RGS4: variants seen among roughly 807,000 people sequenced by gnomAD.
RGS4 encodes the protein regulator of G protein signaling 4.
A neutral mutation model predicts 21.6 loss-of-function variants in RGS4; 15 were observed. The observed-to-expected ratio is 0.69, with a 90% CI of 0.46 to 1.07. RGS4 has a LOEUF of 1.07. Ranked by LOEUF, RGS4 falls within the 50% of genes least tolerant of loss-of-function variation. RGS4 has a pLI of 0.00. For synonymous variants in RGS4, 94 were observed against 85.5 expected (o/e 1.10, Z -0.55); for missense variants, 237 against 239.0 (o/e 0.99, Z 0.06).
In RGS4 at chr1:163,074,471, T is replaced by G; in HGVS notation, c.529T>G (p.Leu177Val). Residue 177 changes from leucine (L) to valine (V), a missense_variant, in exon 5 of 5, where the codon TTG becomes GTG. By Grantham distance (32) the Leu-to-Val change is conservative. Coordinates refer to ENST00000367909, the MANE Select transcript of RGS4 (RefSeq NM_005613.6). ...RFLKSRFYLD[L>V]VNPSSCGAEK... ...CCTCAAGTCTCGATTCTATCTTGAT[T>G]TGGTCAACCCGTCCAGCTGTGGGGC... is the stretch of plus-strand genomic sequence containing the variant. 1 of 1,613,882 alleles carries G rather than the reference T, an allele frequency of 6.2e-7. No homozygotes were observed. Among genetic ancestry groups the G allele is most frequent in the Non-Finnish European group, 8.5e-7 (1 of 1,179,844 alleles).
chr1:163,073,066 C>T (rs1655373094), intron 3 of RGS4, among the ~76,000 whole-genome samples, 200 bp downstream of exon 3: 2 of 152,028 alleles, frequency 1.3e-5, no homozygotes, highest in Non-Finnish European at 2.9e-5. Flanking sequence ...TATGCAGGAA[C>T]CATGTGGAAA....
At chr1:163,073,021 A>G (rs536370983) in intron 3 of RGS4, among the ~76,000 whole-genome samples, 155 bp downstream of exon 3, 2 of 152,312 alleles carry the variant, frequency 1.3e-5, no homozygotes, top group South Asian at 4.1e-4. Context: ...AAATTTTAAT[A>G]TGCCCTAGAG....
At chr1:163,074,247 T>A in intron 4 of RGS4, 74 bp from the exon 5 acceptor site, 1 of 1,582,610 alleles carries the variant, frequency 6.3e-7, no homozygotes, top group Non-Finnish European at 8.6e-7. Context: ...CACTTACAAG[T>A]CACTACAAAG....
At chr1:163,072,596 A>G in intron 2 of RGS4, 97 bp downstream of exon 2, 1 of 1,004,892 alleles carries the variant, frequency 1.0e-6, no homozygotes, top group Non-Finnish European at 1.5e-6. Context: ...GTTAAGCCAG[A>G]TTTGGATCAA....
Position 163,074,870 on chromosome 1 carries a change from C to A in RGS4, c.*310C>A. 1 of 598,136 alleles carries A rather than the reference C, an allele frequency of 1.7e-6. No individual in the cohort carries two copies. The highest frequency in any genetic ancestry group is 2.8e-5 in the East Asian group (1 of 36,276). The allele number at this position is 598,136 out of a possible 1,614,324, so 37.1% of individuals were successfully genotyped here. On this transcript the variant is annotated 3_prime_UTR_variant, in exon 5 of 5. Transcript: ENST00000367909. ...AAGATTGTTGGCAGTTTCCTCCTCCCAACAGTTTTACCTCGGGATGGTTGG... is the reference window on the plus strand; with the variant it reads ...AAGATTGTTGGCAGTTTCCTCCTCCAAACAGTTTTACCTCGGGATGGTTGG...
chr1:163,074,218 A>G (rs1338708946), intron 4 of RGS4, 103 bp from the exon 5 acceptor site: 1 of 1,477,996 alleles, frequency 6.8e-7, no homozygotes, highest in African/African-American at 1.4e-5. Flanking sequence ...TTGCTTCTGA[A>G]ATACAGAGGG....
chr1:163,074,621 CA>C lies in RGS4; in HGVS notation c.*64del. The stretch of plus-strand genomic sequence containing the variant: ...CTCTATGCTCTGGAAAACCTGAGGC[CA>C]AATATTGATCTGTATTAAGCTCCAG... On this transcript the variant is annotated 3_prime_UTR_variant, in exon 5 of 5. Transcript: ENST00000367909. 6.2e-7 allele frequency: 1 copy of C among 1,610,160 alleles called. No individual in the cohort carries two copies. Among genetic ancestry groups the C allele is most frequent in the South Asian group, 1.1e-5 (1 of 91,032 alleles).
intron 1 of RGS4, 165 bp from the exon 2 acceptor site, chr1:163,072,230 C>CAA (rs5778312): frequency 0.99 from 850,572 of 858,616 alleles, 421,732 homozygotes; most frequent in East Asian, 1. Flanking sequence ...CATAGGGAAC[C>CAA]AAGAGGAATC....
At chr1:163,073,985 A>T (rs1378330197) in intron 4 of RGS4, 1 of 383,028 alleles carries the variant, frequency 2.6e-6, no homozygotes, top group African/African-American at 2.0e-5. Flanking sequence ...GGAGCTGACT[A>T]TCATAATCTT....
rs1012002878 is a variant in RGS4 at position 163,074,941 on chromosome 1, C to T, written c.*381C>T. The T allele has an allele frequency of 3.7e-6, 2 of 534,746 alleles. No homozygotes were observed. Among genetic ancestry groups the T allele is most frequent in the Admixed American group, 3.3e-5 (1 of 30,028 alleles). The allele number at this position is 534,746 out of a possible 1,614,324, so 33.1% of individuals were successfully genotyped here. A position where few individuals can be genotyped will look rare whatever the true frequency, so the allele number is the denominator to read the frequency against. On this transcript the variant is annotated 3_prime_UTR_variant, in exon 5 of 5. Transcript: ENST00000367909. Reference sequence around the variant, plus strand: ...TCCACATGCACATGTATTCTGTTGGCCAGCACGTTCTCCAGACTCTAGATG... The same window carrying T: ...TCCACATGCACATGTATTCTGTTGGTCAGCACGTTCTCCAGACTCTAGATG...
At position 163,076,072 on chromosome 1, in the gene RGS4, G is replaced by A. The variant is rs865893973; in HGVS notation, c.*1512G>A. 20 of 152,464 alleles carry A rather than the reference G, an allele frequency of 1.3e-4. No homozygotes were observed. Among genetic ancestry groups the A allele is most frequent in the African/African-American group, 4.1e-4 (17 of 41,396 alleles). The allele number at this position is 152,464 out of a possible 1,614,324, so 9.4% of individuals were successfully genotyped here. On this transcript the variant is annotated 3_prime_UTR_variant, in exon 5 of 5. Transcript: ENST00000367909. ...TGTTATTTATGATGTTATTTTGTACGTGTTATTATTATTATATTGTTTTAT... is the reference window on the plus strand; with the variant it reads ...TGTTATTTATGATGTTATTTTGTACATGTTATTATTATTATATTGTTTTAT...
chr1:163,075,953 G>T lies in RGS4; in HGVS notation c.*1393G>T, dbSNP rs939231934. ...GCTCTGAGACTAAATGAGAGGAAAA[G>T]AAAAGAAAAAAAAAATGATTGTCTA... On this transcript the variant is annotated 3_prime_UTR_variant, in exon 5 of 5. Transcript: ENST00000367909. The T allele has an allele frequency of 6.6e-4, 20 of 30,174 alleles. No individual in the cohort carries two copies. The highest frequency in any genetic ancestry group is 9.3e-4 in the Non-Finnish European group (1 of 1,072). The allele number at this position is 30,174 out of a possible 1,614,324, so 1.9% of individuals were successfully genotyped here.
At chr1:163,073,734 T>C in intron 4 of RGS4, 112 bp downstream of exon 4, 2 of 634,644 alleles carry the variant, frequency 3.2e-6, no homozygotes, top group Non-Finnish European at 5.3e-6. Flanking sequence ...GCTATATACA[T>C]ATCTCAAACA....
At chr1:163,072,774 C>A in intron 2 of RGS4, 31 bp from the exon 3 acceptor site, 1 of 1,587,964 alleles carries the variant, frequency 6.3e-7, no homozygotes, top group Non-Finnish European at 8.6e-7. Context: ...CATGGCATTC[C>A]AATTATTCTG....
At position 163,072,788 on chromosome 1, in the gene RGS4, CT is replaced by C; in HGVS notation, c.150-16del. On this transcript the variant is annotated splice_polypyrimidine_tract_variant and intron_variant, in intron 2 of 4. Coordinates refer to ENST00000367909, the MANE Select transcript of RGS4 (RefSeq NM_005613.6). ...CCATGGCATTCCAATTATTCTGTTT[CT>C]CTCTATTTTTTCTAGAGTGAGCCAA... The C allele has an allele frequency of 6.2e-7, 1 of 1,608,058 alleles. No individual in the cohort carries two copies. Among genetic ancestry groups the C allele is most frequent in the African/African-American group, 1.3e-5 (1 of 74,818 alleles).
chr1:163,072,210 T>A (rs1571161035), intron 1 of RGS4, 185 bp from the exon 2 acceptor site: 1 of 947,952 alleles, frequency 1.1e-6, no homozygotes, highest in East Asian at 3.1e-5. Context: ...CTCAAGGTTT[T>A]GTAGCAAGTC....
In RGS4 at chr1:163,074,879, T is replaced by C; in HGVS notation, c.*319T>C. On this transcript the variant is annotated 3_prime_UTR_variant, in exon 5 of 5. Transcript: ENST00000367909. ...GGCAGTTTCCTCCTCCCAACAGTTT[T>C]ACCTCGGGATGGTTGGTTAGTGCAT... The C allele has an allele frequency of 5.0e-6, 3 of 594,794 alleles. No homozygotes were observed. In the South Asian group the frequency reaches 6.1e-5, roughly 12 times the overall value. 36.8% of individuals were successfully genotyped at this position (594,794 alleles called of 1,614,324 possible).
At chr1:163,071,362 T>G (rs909427278) in intron 1 of RGS4, among the ~76,000 whole-genome samples, 2 of 152,126 alleles carry the variant, frequency 1.3e-5, no homozygotes, top group African/African-American at 4.8e-5. Context: ...TGTCTTTATA[T>G]CTTTGAGGCT....
chr1:163,069,473 C>A lies in RGS4; in HGVS notation c.-12C>A. On this transcript the variant is annotated 5_prime_UTR_variant, in exon 1 of 5. It adds an upstream start codon to the 5' untranslated region. Coordinates refer to ENST00000367909, the MANE Select transcript of RGS4 (RefSeq NM_005613.6). ...TTCTTTCCTGCTTGCGAATTCCAAG[C>A]TGTTAAATAAGATGTGCAAAGGGCT... 6.2e-7 allele frequency: 1 copy of A among 1,613,540 alleles called. No homozygotes were observed. The highest frequency in any genetic ancestry group is 8.5e-7 in the Non-Finnish European group (1 of 1,179,760).
Sources: allele counts gnomAD v4.1 joint callset (sites outside exome capture counted in the v4.1 genomes callset), GRCh38; gene constraint gnomAD v4.1.1; transcripts MANE v1.5; gene names NCBI Gene and HGNC (gene_info 2026-07-23, HGNC 2026-07-21).